The following KCNH8 variants were observed in gnomAD, a reference collection of about 807,000 sequenced individuals.
KCNH8 encodes potassium voltage-gated channel subfamily H member 8.
KCNH8 carries 70 observed loss-of-function variants against 103.6 expected under a neutral mutation model. The observed-to-expected ratio is 0.68, with a 90% CI of 0.56 to 0.82. The LOEUF (loss-of-function observed/expected upper bound fraction) is 0.82, where lower values mean the gene tolerates loss of function less well. Among genes scored for constraint, KCNH8 ranks in the 40% least tolerant of loss-of-function variants. KCNH8 has a pLI of 0.00. For missense variants in KCNH8, 1,217 were observed against 1,329.9 expected (o/e 0.92, Z 1.32); for synonymous variants, 498 against 489.4 (o/e 1.02, Z -0.23).
At chr3:19,375,920 G>A (rs1447098090) in intron 5 of KCNH8, among the ~76,000 whole-genome samples, 1 of 152,156 alleles carries the variant, frequency 6.6e-6, no homozygotes, top group Non-Finnish European at 1.5e-5. Context: ...GGCTGCTCGG[G>A]GGTCAGGGAC....
At position 19,290,737 on chromosome 3, in the gene KCNH8, G is replaced by A. The variant is rs2064908519; in HGVS notation, c.442+9408G>A. On this transcript the variant is annotated intron_variant, in intron 3 of 15. Transcript: ENST00000328405. ...TTTGGTTGTTTCTCTGCCCGGCTTTGGTATCAGGATGATGCTGGCCTCATA... is the reference window on the plus strand; with the variant it reads ...TTTGGTTGTTTCTCTGCCCGGCTTTAGTATCAGGATGATGCTGGCCTCATA... 2.6e-5 allele frequency among the ~76,000 whole-genome samples: 4 copies of A among 152,130 alleles called. 1 individual carries two copies. The South Asian group carries it at 8.3e-4, about 32-fold the overall frequency.
chr3:19,463,404 C>G (rs1285840264), intron 11 of KCNH8, among the ~76,000 whole-genome samples: 1 of 151,862 alleles, frequency 6.6e-6, no homozygotes, highest in Non-Finnish European at 1.5e-5. Flanking sequence ...TGTCTAAACC[C>G]ATAAGGGTTT....
Position 19,375,804 on chromosome 3 carries a change from TTG to T in KCNH8, c.812-14675_812-14674del, listed in dbSNP as rs1250907970. 2.1e-4 allele frequency among the ~76,000 whole-genome samples: 32 copies of T among 152,216 alleles called. No homozygotes were observed. The South Asian group carries it at 6.4e-3, about 31-fold the overall frequency. On this transcript the variant is annotated intron_variant, in intron 5 of 15. Coordinates refer to ENST00000328405, the MANE Select transcript of KCNH8 (RefSeq NM_144633.3). Reference sequence around the variant, plus strand: ...TTTTTGGTGTGGATGTCCTTTCTGTTTGTTAGTTTTCCTTCTAACAGACAGGG... The same window carrying T: ...TTTTTGGTGTGGATGTCCTTTCTGTTTTAGTTTTCCTTCTAACAGACAGGG...
chr3:19,335,300 G>A (rs2065567490), intron 3 of KCNH8, among the ~76,000 whole-genome samples: 1 of 151,358 alleles, frequency 6.6e-6, no homozygotes, highest in Non-Finnish European at 1.5e-5. Context: ...TCCCTAAAAG[G>A]GAACCACCCT....
At chr3:19,364,816 A>G (rs893936510) in intron 5 of KCNH8, among the ~76,000 whole-genome samples, 40 of 152,136 alleles carry the variant, frequency 2.6e-4, no homozygotes, top group African/African-American at 8.7e-4. Context: ...TTGTTTTACA[A>G]ATCAACTGTC....
chr3:19,511,158 C>T (rs113428679), intron 12 of KCNH8, among the ~76,000 whole-genome samples: 1 of 150,370 alleles, frequency 6.7e-6, no homozygotes, highest in East Asian at 1.9e-4. Context: ...CCCCACCCCC[C>T]ACAGGCACCA....
chr3:19,332,205 A>T (rs903147594), intron 3 of KCNH8, among the ~76,000 whole-genome samples: 2 of 152,084 alleles, frequency 1.3e-5, no homozygotes, highest in Admixed American at 1.3e-4. Flanking sequence ...AAATTCTATC[A>T]CTACAAAAAT....
At chr3:19,526,119 T>G (rs950379921) in intron 15 of KCNH8, among the ~76,000 whole-genome samples, 1 of 151,888 alleles carries the variant, frequency 6.6e-6, no homozygotes, top group African/African-American at 2.4e-5. Flanking sequence ...AAAATGTATA[T>G]GTATTAGTAG....
intron 1 of KCNH8, among the ~76,000 whole-genome samples, chr3:19,169,160 T>C (rs953912627): frequency 3.9e-5 from 6 of 152,144 alleles, no homozygotes; most frequent in African/African-American, 1.2e-4. Context: ...TCCTTCCACT[T>C]GGATGACATC....
rs761572314 is a variant in KCNH8 at position 19,517,990 on chromosome 3, C to G, written c.2543-8C>G. ...AAGGACTCATTCTGTATGTGTGTCA[C>G]TTTTCAGATCCAGAGATTGGAGCTG... On this transcript the variant is annotated splice_region_variant and splice_polypyrimidine_tract_variant and intron_variant, in intron 14 of 15. Coordinates refer to ENST00000328405, the MANE Select transcript of KCNH8 (RefSeq NM_144633.3). 6.2e-7 allele frequency: 1 copy of G among 1,610,592 alleles called. No individual in the cohort carries two copies. Among genetic ancestry groups the G allele is most frequent in the Non-Finnish European group, 8.5e-7 (1 of 1,177,466 alleles).
At chr3:19,326,905 T>C (rs1218741887) in intron 3 of KCNH8, among the ~76,000 whole-genome samples, 3 of 151,998 alleles carry the variant, frequency 2.0e-5, no homozygotes, top group Non-Finnish European at 4.4e-5. Flanking sequence ...TGCTATCAGC[T>C]TGGAACTTGG....
In KCNH8 at chr3:19,391,916, C is replaced by A. The variant is rs191787217; in HGVS notation, c.969+1278C>A. Among the ~76,000 whole-genome samples the A allele has an allele frequency of 4.2e-3, 634 of 151,914 alleles. 6 individuals are homozygous for A. Among genetic ancestry groups the A allele is most frequent in the African/African-American group, 0.014 (587 of 41,500 alleles). On this transcript the variant is annotated intron_variant, in intron 6 of 15. Transcript: ENST00000328405. The stretch of plus-strand genomic sequence containing the variant: ...GACTGCAGAATAAGTATATAATTCA[C>A]AAAAGGTTAAAAAAATTTCCAAATT...
At chr3:19,532,019 T>G (rs1218895888) in intron 15 of KCNH8, among the ~76,000 whole-genome samples, 1 of 152,248 alleles carries the variant, frequency 6.6e-6, no homozygotes, top group Non-Finnish European at 1.5e-5. Context: ...AATACATGTG[T>G]GTGTCCTGCT....
intron 2 of KCNH8, among the ~76,000 whole-genome samples, chr3:19,264,443 T>A (rs2064479350): frequency 6.6e-6 from 1 of 152,164 alleles, no homozygotes; most frequent in South Asian, 2.1e-4. Context: ...GTTGAATTGC[T>A]TAATCAATGA....
Position 19,513,165 on chromosome 3 carries a change from G to C in KCNH8, c.2275G>C (p.Gly759Arg). The C allele has an allele frequency of 6.2e-7, 1 of 1,613,860 alleles. No homozygotes were observed. The highest frequency in any genetic ancestry group is 8.5e-7 in the Non-Finnish European group (1 of 1,179,920). The change falls in exon 13 of 16, where the codon GGA (glycine) becomes CGA (arginine). Residue 759 changes from glycine to arginine, a missense_variant. Physicochemically the swap from Gly to Arg is moderately radical, Grantham distance 125. Coordinates refer to ENST00000328405, the MANE Select transcript of KCNH8 (RefSeq NM_144633.3). The stretch of plus-strand genomic sequence containing the variant: ...CTTAAGCTTAAAGCAACTGGCCTCG[G>C]GAACGGTGCCCTTTCACTCGCCTAT... Reference protein sequence around the residue: ...LGLSLKQLASGTVPFHSPIRV... With the variant: ...LGLSLKQLASRTVPFHSPIRV...
rs563910015 is a variant in KCNH8, at chr3:19,444,562, C to T, written c.1376-5544C>T. On this transcript the variant is annotated intron_variant, in intron 8 of 15. Coordinates refer to ENST00000328405, the MANE Select transcript of KCNH8 (RefSeq NM_144633.3). ...CTTATTATAAATGTGAAGAGAGAAG[C>T]TACAGGATAGGAGAAGATATTTTCA... 4.0e-5 allele frequency among the ~76,000 whole-genome samples: 6 copies of T among 151,754 alleles called. No individual in the cohort carries two copies. The South Asian group carries it at 1.2e-3, about 32-fold the overall frequency.
chr3:19,488,792 T>C (rs1372291871), intron 11 of KCNH8, among the ~76,000 whole-genome samples: 1 of 152,136 alleles, frequency 6.6e-6, no homozygotes, highest in Non-Finnish European at 1.5e-5. Context: ...GGCTGGGACA[T>C]GCTACTCTAG....
intron 1 of KCNH8, among the ~76,000 whole-genome samples, chr3:19,237,987 T>C (rs1446346729): frequency 6.6e-6 from 1 of 152,248 alleles, no homozygotes; most frequent in Non-Finnish European, 1.5e-5. Context: ...ATTTGGAGTA[T>C]ATTTCAAAAT....
chr3:19,424,303 C>A (rs1162849399), intron 7 of KCNH8, among the ~76,000 whole-genome samples: 1 of 151,946 alleles, frequency 6.6e-6, no homozygotes, highest in Non-Finnish European at 1.5e-5. Context: ...CAGAAATAAA[C>A]CCAAATACTT....
Sources: allele counts gnomAD v4.1 joint callset (sites outside exome capture counted in the v4.1 genomes callset), GRCh38; gene constraint gnomAD v4.1.1; transcripts MANE v1.5; gene names NCBI Gene and HGNC (gene_info 2026-07-23, HGNC 2026-07-21).